Variants in HSD17B12 observed in about 807,000 individuals in gnomAD.
HSD17B12 encodes the protein hydroxysteroid 17-beta dehydrogenase 12.
HSD17B12 carries 32 observed loss-of-function variants against 39.3 expected under a neutral mutation model. The ratio of observed to expected loss-of-function variants is 0.81; its 90% CI spans 0.61 to 1.09. HSD17B12 has a LOEUF of 1.09. HSD17B12 is among the 50% of genes least tolerant of loss of function. The probability of loss-of-function intolerance (pLI) is 0.00; values close to 1 mark genes in which losing one functional copy is unlikely to be tolerated. For synonymous variants in HSD17B12, 150 were observed against 146.7 expected, an observed-to-expected ratio of 1.02 and a Z score of -0.16; for missense variants, 342 against 382.9, an observed-to-expected ratio of 0.89 and a Z score of 0.89.
At chr11:43,656,682 G>T in the HSD17B12 span, among the ~76,000 whole-genome samples, 6 of 152,032 alleles carry the variant, frequency 3.9e-5, no homozygotes, top group Non-Finnish European at 7.4e-5. Flanking sequence ...CAGGAGCAGG[G>T]TGTTCAGTTT....
the HSD17B12 span, chr11:43,672,891 T>A: frequency 6.6e-6 from 1 of 152,328 alleles, no homozygotes; most frequent in Admixed American, 6.5e-5. Flanking sequence ...GTTAAATAAA[T>A]TAAATATTAA....
At chr11:43,631,828 T>A in the HSD17B12 span, among the ~76,000 whole-genome samples, 1 of 152,206 alleles carries the variant, frequency 6.6e-6, no homozygotes, top group African/African-American at 2.4e-5. Context: ...GAGCTGACTC[T>A]CCAGGGAGTT....
chr11:43,799,483 G>A (rs767135913), intron 4 of HSD17B12, among the ~76,000 whole-genome samples: 18 of 152,040 alleles, frequency 1.2e-4, no homozygotes, highest in Non-Finnish European at 1.8e-4. Context: ...ACTTTGTTAT[G>A]GAAACAATTC....
chr11:43,723,108 A>G (rs1056167760), intron 1 of HSD17B12, among the ~76,000 whole-genome samples: 2 of 152,186 alleles, frequency 1.3e-5, no homozygotes, highest in African/African-American at 4.8e-5. Context: ...CATTTTTACT[A>G]TTAAAAAAAG....
chr11:43,624,704 C>G, the HSD17B12 span, among the ~76,000 whole-genome samples: 3 of 151,586 alleles, frequency 2.0e-5, no homozygotes, highest in Non-Finnish European at 3.0e-5. Context: ...TTTGAAAACC[C>G]ATTAAGAATA....
chr11:43,640,893 A>AT, the HSD17B12 span: 8 of 151,636 alleles, frequency 5.3e-5, no homozygotes, highest in Admixed American at 4.6e-4. Context: ...GTCCATCATG[A>AT]TTTTTTACAG....
At chr11:43,754,398 C>A (rs1199326167) in intron 3 of HSD17B12, among the ~76,000 whole-genome samples, 1 of 151,810 alleles carries the variant, frequency 6.6e-6, no homozygotes, top group East Asian at 1.9e-4. Flanking sequence ...CATGGTGAAA[C>A]CCCGTCTCTA....
intron 9 of HSD17B12, among the ~76,000 whole-genome samples, chr11:43,843,340 A>G (rs1951444658): frequency 6.6e-6 from 1 of 152,174 alleles, no homozygotes; most frequent in Non-Finnish European, 1.5e-5. Flanking sequence ...TATGCCCACA[A>G]ATTTTTTGGA....
chr11:43,672,875 T>G, the HSD17B12 span: 1 of 152,236 alleles, frequency 6.6e-6, no homozygotes, highest in Non-Finnish European at 1.5e-5. Flanking sequence ...TATGGTAATA[T>G]TTCTTGTTAA....
chr11:43,627,340 A>G, the HSD17B12 span, among the ~76,000 whole-genome samples: 2 of 151,942 alleles, frequency 1.3e-5, no homozygotes, highest in Non-Finnish European at 2.9e-5. Flanking sequence ...AAAAATTTCT[A>G]GTGATACCTT....
At chr11:43,611,054 C>A in the HSD17B12 span, among the ~76,000 whole-genome samples, 1 of 152,130 alleles carries the variant, frequency 6.6e-6, no homozygotes, top group East Asian at 1.9e-4. Context: ...ATTTAATTTT[C>A]TATTATTTGC....
chr11:43,654,444 G>T, the HSD17B12 span, among the ~76,000 whole-genome samples: 18 of 152,022 alleles, frequency 1.2e-4, no homozygotes, highest in African/African-American at 3.9e-4. Flanking sequence ...CATTGCTTTT[G>T]GTGTTTTAGA....
intron 1 of HSD17B12, among the ~76,000 whole-genome samples, chr11:43,700,873 A>G (rs1272661534): frequency 1.3e-5 from 2 of 152,216 alleles, no homozygotes; most frequent in Admixed American, 6.5e-5. Flanking sequence ...GCTGGATCAA[A>G]TGGTAGCTCA....
At chr11:43,799,290 T>C (rs768086149) in intron 4 of HSD17B12, among the ~76,000 whole-genome samples, 4 of 152,122 alleles carry the variant, frequency 2.6e-5, no homozygotes, top group Non-Finnish European at 1.5e-5. Context: ...TTTCATCTAC[T>C]CTGTGGAGCT....
intron 1 of HSD17B12, among the ~76,000 whole-genome samples, chr11:43,729,644 C>T (rs1187640729): frequency 6.6e-6 from 1 of 152,176 alleles, no homozygotes; most frequent in African/African-American, 2.4e-5. Flanking sequence ...TGAGAGGTAG[C>T]TTCTTGAAGG....
chr11:43,776,070 G>C (rs1338434751), intron 3 of HSD17B12, among the ~76,000 whole-genome samples: 1 of 152,142 alleles, frequency 6.6e-6, no homozygotes, highest in Non-Finnish European at 1.5e-5. Flanking sequence ...AAACATACGT[G>C]TGCATGCGTC....
At chr11:43,711,428 G>A (rs577670012) in intron 1 of HSD17B12, among the ~76,000 whole-genome samples, 2 of 150,320 alleles carry the variant, frequency 1.3e-5, no homozygotes, top group South Asian at 4.2e-4. Flanking sequence ...AGCAGGTAGA[G>A]TACTTTTAAA....
chr11:43,634,016 G>A, the HSD17B12 span, among the ~76,000 whole-genome samples: 9 of 139,882 alleles, frequency 6.4e-5, no homozygotes, highest in South Asian at 1.9e-3. Flanking sequence ...GGAGGTTGCC[G>A]TGAGCTGAGA....
At chr11:43,656,325 AT>A in the HSD17B12 span, among the ~76,000 whole-genome samples, 2 of 151,738 alleles carry the variant, frequency 1.3e-5, no homozygotes, top group East Asian at 1.9e-4. Flanking sequence ...CGGTCTATCA[AT>A]TTTGTTGATC....
Sources: allele counts gnomAD v4.1 joint callset (sites outside exome capture counted in the v4.1 genomes callset), GRCh38; gene constraint gnomAD v4.1.1; transcripts MANE v1.5; gene names NCBI Gene and HGNC (gene_info 2026-07-23, HGNC 2026-07-21).